Variants in LRRC4C observed in about 807,000 individuals in gnomAD.
The protein encoded by LRRC4C is leucine-rich repeat-containing protein 4C.
In LRRC4C, 5 loss-of-function variants were observed where a neutral mutation model predicts 33.6. The ratio of observed to expected loss-of-function variants is 0.15; its 90% CI spans 0.08 to 0.31. The LOEUF (loss-of-function observed/expected upper bound fraction) is 0.31. LRRC4C is among the 10% of genes least tolerant of loss of function. The pLI is 1.00. For missense variants in LRRC4C, 560 were observed against 796.7 expected (o/e 0.70, Z 3.58); for synonymous variants, 329 against 302.0 (o/e 1.09, Z -0.93).
chr11:40,880,051 C>T (rs1467171172), intron 2 of LRRC4C, among the ~76,000 whole-genome samples: 1 of 152,008 alleles, frequency 6.6e-6, no homozygotes, highest in Non-Finnish European at 1.5e-5. Context: ...TGGATCTCTT[C>T]GGACGCTCAC....
rs369781480 is a variant in LRRC4C at position 40,472,212 on chromosome 11, G to A, written c.-269-152491C>T. Among the ~76,000 whole-genome samples, 350 of 151,912 alleles carry A rather than the reference G, an allele frequency of 2.3e-3. 1 individual carries two copies. Among genetic ancestry groups the A allele is most frequent in the Middle Eastern group, 0.02 (6 of 294 alleles). Reference sequence around the variant, plus strand: ...GGAGACTGGCGTGAACCTGGGAGGCGGAGCTTGCAATGAGCCGAGATTGTC... The same window carrying A: ...GGAGACTGGCGTGAACCTGGGAGGCAGAGCTTGCAATGAGCCGAGATTGTC... On this transcript the variant is annotated intron_variant, in intron 3 of 6. Coordinates refer to ENST00000528697, the MANE Select transcript of LRRC4C (RefSeq NM_001258419.2).
intron 1 of LRRC4C, among the ~76,000 whole-genome samples, chr11:41,085,271 A>G (rs762576569): frequency 1.8e-4 from 27 of 152,182 alleles, no homozygotes; most frequent in South Asian, 6.2e-4. Flanking sequence ...AAAAAAAGTA[A>G]ACACCACGTC....
chr11:41,365,315 C>A (rs921384007), intron 1 of LRRC4C, among the ~76,000 whole-genome samples: 7 of 151,802 alleles, frequency 4.6e-5, no homozygotes, highest in African/African-American at 1.4e-4. Flanking sequence ...CCAGATGGGA[C>A]CATCTAGTTG....
chr11:40,451,632 G>T (rs1211272986), intron 3 of LRRC4C, among the ~76,000 whole-genome samples: 1 of 151,770 alleles, frequency 6.6e-6, no homozygotes. Flanking sequence ...TGGTCCACCC[G>T]CCTTGGCCTC....
chr11:41,260,835 C>G (rs930887460), intron 1 of LRRC4C, among the ~76,000 whole-genome samples: 1 of 151,902 alleles, frequency 6.6e-6, no homozygotes, highest in Non-Finnish European at 1.5e-5. Context: ...TCTCCAGGTA[C>G]CTAAAAGTTT....
chr11:40,991,789 G>A (rs918512649), intron 1 of LRRC4C, among the ~76,000 whole-genome samples: 1 of 152,122 alleles, frequency 6.6e-6, no homozygotes, highest in South Asian at 2.1e-4. Context: ...CTGCTGGTCC[G>A]ACAGGAGGCA....
intron 2 of LRRC4C, among the ~76,000 whole-genome samples, chr11:40,758,475 C>T (rs1246456047): frequency 1.3e-5 from 2 of 151,964 alleles, no homozygotes; most frequent in Non-Finnish European, 2.9e-5. Context: ...TTAAGACAGG[C>T]AAATTAAGGG....
At chr11:40,681,957 G>A (rs1474708423) in intron 2 of LRRC4C, among the ~76,000 whole-genome samples, 1 of 152,082 alleles carries the variant, frequency 6.6e-6, no homozygotes, top group African/African-American at 2.4e-5. Flanking sequence ...AAGAGTGGGA[G>A]GTGGGTGAGG....
intron 4 of LRRC4C, among the ~76,000 whole-genome samples, chr11:40,247,676 T>TG (rs1866461107): frequency 6.6e-6 from 1 of 152,296 alleles, no homozygotes; most frequent in Admixed American, 6.5e-5. Context: ...GTGCGTTTTT[T>TG]GTTGGTTTGT....
At chr11:40,760,127 C>G (rs953196587) in intron 2 of LRRC4C, among the ~76,000 whole-genome samples, 4 of 151,474 alleles carry the variant, frequency 2.6e-5, no homozygotes, top group African/African-American at 9.7e-5. Context: ...TTTCCTGGGT[C>G]CAATTTAGTT....
At chr11:40,643,600 A>G (rs529173935) in intron 3 of LRRC4C, among the ~76,000 whole-genome samples, 1 of 152,300 alleles carries the variant, frequency 6.6e-6, no homozygotes, top group East Asian at 1.9e-4. Flanking sequence ...CCACCCAGGA[A>G]TAATGACACC....
At chr11:40,430,954 G>A (rs1257930544) in intron 3 of LRRC4C, among the ~76,000 whole-genome samples, 2 of 103,804 alleles carry the variant, frequency 1.9e-5, no homozygotes, top group African/African-American at 7.4e-5. Flanking sequence ...TGGTGGGGTG[G>A]GGGGAGGGGG....
chr11:41,124,779 A>T (rs1394193779), intron 1 of LRRC4C, among the ~76,000 whole-genome samples: 7 of 152,200 alleles, frequency 4.6e-5, no homozygotes, highest in Non-Finnish European at 8.8e-5. Flanking sequence ...GTTGGAAGAC[A>T]TCTATACATT....
intron 1 of LRRC4C, among the ~76,000 whole-genome samples, chr11:41,190,198 C>A (rs1337325164): frequency 6.6e-6 from 1 of 152,048 alleles, no homozygotes; most frequent in African/African-American, 2.4e-5. Flanking sequence ...TATGCTGTTG[C>A]CCTGATCACT....
intron 3 of LRRC4C, among the ~76,000 whole-genome samples, chr11:40,358,168 G>A (rs1287979765): frequency 2.0e-5 from 3 of 148,980 alleles, no homozygotes; most frequent in Non-Finnish European, 3.0e-5. Flanking sequence ...GGGAGAGAGA[G>A]AGAGACTCTG....
chr11:40,824,321 G>T (rs1426822541), intron 2 of LRRC4C, among the ~76,000 whole-genome samples: 1 of 151,698 alleles, frequency 6.6e-6, no homozygotes, highest in Non-Finnish European at 1.5e-5. Flanking sequence ...AAGATGTATA[G>T]AATATTAGGA....
intron 3 of LRRC4C, among the ~76,000 whole-genome samples, chr11:40,499,820 A>G (rs1954654024): frequency 1.3e-5 from 2 of 152,172 alleles, no homozygotes; most frequent in African/African-American, 4.8e-5. Context: ...AGCTGGACCA[A>G]CAACAAGGTT....
chr11:40,381,174 G>GA (rs1182725192), intron 3 of LRRC4C, among the ~76,000 whole-genome samples: 3 of 150,340 alleles, frequency 2.0e-5, no homozygotes, highest in African/African-American at 7.3e-5. Flanking sequence ...TCTTTGTTGG[G>GA]AAAAGTATTA....
intron 2 of LRRC4C, among the ~76,000 whole-genome samples, chr11:40,849,820 A>C (rs1953389496): frequency 6.6e-6 from 1 of 151,740 alleles, no homozygotes; most frequent in South Asian, 2.1e-4. Flanking sequence ...TATTTCTTGG[A>C]GGCTTTGTTC....
Sources: gnomAD v4.1 joint callset for allele counts (sites outside exome capture counted in the v4.1 genomes callset) on GRCh38, gnomAD v4.1.1 for gene constraint, MANE v1.5 for transcripts, NCBI Gene and HGNC (gene_info 2026-07-23, HGNC 2026-07-21) for gene names.